OSBPL9: variants seen among roughly 807,000 people sequenced by gnomAD.
OSBPL9 encodes the protein oxysterol binding protein like 9.
OSBPL9 carries 40 observed loss-of-function variants against 106.6 expected under a neutral mutation model. The observed-to-expected ratio is 0.38, with a 90% confidence interval of 0.29 to 0.49. The LOEUF (loss-of-function observed/expected upper bound fraction) is 0.49. Ranked by LOEUF, OSBPL9 falls within the 20% of genes least tolerant of loss-of-function variation. OSBPL9 has a pLI of 0.97. For synonymous variants in OSBPL9, 269 were observed against 295.4 expected (o/e 0.91, Z 0.92); for missense variants, 609 against 887.2 (o/e 0.69, Z 3.98).
Position 51,781,272 on chromosome 1 carries a change from T to C in OSBPL9, c.1365T>C (p.Asn455=), listed in dbSNP as rs1163796283. The C allele has an allele frequency of 4.3e-6, 7 of 1,614,140 alleles. No individual in the cohort carries two copies. The South Asian group carries it at 7.7e-5, about 18-fold the overall frequency. ...GATCAGTTGCCAAAAAGCCATACAATCCCATTTTGGGCGAGATTTTTCAGT... is the reference window on the plus strand; with the variant it reads ...GATCAGTTGCCAAAAAGCCATACAACCCCATTTTGGGCGAGATTTTTCAGT... ...RKGSVAKKPY[N]PILGEIFQCH... is the part of the protein sequence containing the mutation. The change falls in exon 16 of 24, where the codon AAT becomes AAC. Residue 455 remains asparagine, a synonymous_variant. Transcript: ENST00000428468.
intron 3 of OSBPL9, among the ~76,000 whole-genome samples, chr1:51,703,021 A>G (rs1221613461): frequency 6.6e-6 from 1 of 152,224 alleles, no homozygotes; most frequent in East Asian, 1.9e-4. Flanking sequence ...TGGTACCAGT[A>G]CCATGCTGTT....
At chr1:51,612,684 G>C (rs2148606599), upstream of OSBPL9, among the ~76,000 whole-genome samples, 1 of 152,378 alleles carries the variant, frequency 6.6e-6, no homozygotes, top group Middle Eastern at 3.4e-3. Context: ...AAGCTAAGTA[G>C]AGCCTGCTGA....
At chr1:51,520,501 C>T in the OSBPL9 span, among the ~76,000 whole-genome samples, 7 of 152,200 alleles carry the variant, frequency 4.6e-5, no homozygotes, top group African/African-American at 1.7e-4. Context: ...CTGTAAAATC[C>T]TTGAGGACAA....
intron 1 of OSBPL9, among the ~76,000 whole-genome samples, chr1:51,585,706 G>A (rs183462479): frequency 1.3e-5 from 2 of 151,630 alleles, no homozygotes; most frequent in East Asian, 3.9e-4. Context: ...AACCCGGGAA[G>A]TGGAGGTTGC....
Position 51,786,592 on chromosome 1 carries a change from G to C in OSBPL9, c.1975G>C (p.Asp659His). ...CAAGAAGAAAGTGAGGAAGTTGGAA[G>C]ATCAGAACGAGTATGAATCCCGCAG... ...IIKKKVRKLE[D>H]QNEYESRSLW... The change falls in exon 22 of 24, where the codon GAT becomes CAT. Residue 659 changes from aspartate (D) to histidine (H), a missense_variant. Asp to His is a moderately conservative substitution (Grantham distance 81). Around this residue, in one of 5 missense-constraint regions of OSBPL9, gnomAD observed 132 missense variants for 158.1 expected, o/e 0.83. Transcript: ENST00000428468. The C allele has an allele frequency of 1.2e-6, 2 of 1,612,522 alleles. No homozygotes were observed. The highest frequency in any genetic ancestry group is 1.7e-6 in the Non-Finnish European group (2 of 1,178,702).
Position 51,649,465 on chromosome 1 carries a change from A to G in OSBPL9, c.112-2526A>G, listed in dbSNP as rs530423821. ...ACCCTGTGCTCTTGTCTGTACATCT[A>G]CTCTCCTATGAATAGGAAAGTAAAG... is the stretch of plus-strand genomic sequence containing the variant. On this transcript the variant is annotated intron_variant, in intron 1 of 23. Transcript: ENST00000428468. Among the ~76,000 whole-genome samples the G allele has an allele frequency of 3.0e-4, 46 of 151,546 alleles. 2 individuals carry two copies. In the South Asian group the frequency reaches 7.9e-3, roughly 26 times the overall value.
chr1:51,585,875 T>TA (rs1645245127), intron 1 of OSBPL9, among the ~76,000 whole-genome samples: 1 of 151,494 alleles, frequency 6.6e-6, no homozygotes, highest in African/African-American at 2.4e-5. Flanking sequence ...TTTTTTTTTT[T>TA]AATTAAAAGG....
At chr1:51,667,124 G>A (rs1648713765) in intron 2 of OSBPL9, among the ~76,000 whole-genome samples, 2 of 152,204 alleles carry the variant, frequency 1.3e-5, no homozygotes, top group Admixed American at 6.5e-5. Context: ...TAGGTGACTT[G>A]TTGAGCTTAC....
chr1:51,522,046 C>G, the OSBPL9 span, among the ~76,000 whole-genome samples: 2 of 152,108 alleles, frequency 1.3e-5, no homozygotes, highest in East Asian at 3.8e-4. Flanking sequence ...CGTGAGCCAC[C>G]GTGCCCGGCC....
the OSBPL9 span, among the ~76,000 whole-genome samples, chr1:51,553,702 C>CA: frequency 6.6e-6 from 1 of 151,638 alleles, no homozygotes; most frequent in East Asian, 1.9e-4. Context: ...TTTTTTGAGA[C>CA]AGAGTTTCAC....
At chr1:51,754,757 T>A (rs561706552) in intron 8 of OSBPL9, among the ~76,000 whole-genome samples, 3 of 152,282 alleles carry the variant, frequency 2.0e-5, no homozygotes, top group Non-Finnish European at 4.4e-5. Flanking sequence ...GTATAAAAAT[T>A]TACTAATGAG....
intron 1 of OSBPL9, among the ~76,000 whole-genome samples, chr1:51,633,242 A>G (rs1490263396): frequency 1.3e-5 from 2 of 151,486 alleles, no homozygotes; most frequent in Admixed American, 6.6e-5. Flanking sequence ...TACAGGTGTC[A>G]GCCATCTCAC....
intron 8 of OSBPL9, among the ~76,000 whole-genome samples, chr1:51,753,430 A>G (rs1669676832): frequency 6.6e-6 from 1 of 152,206 alleles, no homozygotes; most frequent in Non-Finnish European, 1.5e-5. Context: ...AGTGTTTATT[A>G]AATTTAAAAA....
chr1:51,780,875 G>A (rs1399012629), intron 15 of OSBPL9, among the ~76,000 whole-genome samples: 1 of 151,974 alleles, frequency 6.6e-6, no homozygotes, highest in African/African-American at 2.4e-5. Context: ...TGGGTGATGG[G>A]TGCACCAAAA....
At chr1:51,572,542 T>G (rs1246064712), upstream of OSBPL9, among the ~76,000 whole-genome samples, 1 of 152,170 alleles carries the variant, frequency 6.6e-6, no homozygotes, top group East Asian at 1.9e-4. Flanking sequence ...TTCCCCTGTT[T>G]CAAGTGCAGC....
chr1:51,711,941 G>T (rs1471088130), intron 3 of OSBPL9, among the ~76,000 whole-genome samples: 1 of 151,794 alleles, frequency 6.6e-6, no homozygotes, highest in East Asian at 2.0e-4. Flanking sequence ...AGGCAGCCAG[G>T]CAGAGGGGCT....
At chr1:51,783,782 C>T in intron 17 of OSBPL9, 133 bp from the exon 18 acceptor site, 1 of 653,630 alleles carries the variant, frequency 1.5e-6, no homozygotes, top group Non-Finnish European at 2.7e-6. Context: ...CAGGTAGGTA[C>T]CTCCTGGCGT....
intron 3 of OSBPL9, among the ~76,000 whole-genome samples, chr1:51,680,491 C>A (rs557248507): frequency 1.5e-4 from 22 of 151,096 alleles, no homozygotes; most frequent in Non-Finnish European, 2.9e-4. Context: ...CCTGTCTCTA[C>A]TAAAAAAAAA....
At chr1:51,748,746 G>T (rs1668565712) in intron 7 of OSBPL9, among the ~76,000 whole-genome samples, 1 of 152,060 alleles carries the variant, frequency 6.6e-6, no homozygotes, top group Non-Finnish European at 1.5e-5. Flanking sequence ...TGTTGTCCAG[G>T]TCTCAACTCC....
Sources: gnomAD v4.1 joint callset for allele counts (sites outside exome capture counted in the v4.1 genomes callset) on GRCh38, gnomAD v4.1.1 for gene constraint, gnomAD v4.1.1 regional missense constraint, MANE v1.5 for transcripts, NCBI Gene and HGNC (gene_info 2026-07-23, HGNC 2026-07-21) for gene names.